CELF2: variants seen among roughly 807,000 people sequenced by gnomAD.
CELF2 encodes CUGBP Elav-like family member 2, also known as CUG triplet repeat RNA-binding protein 2.
CELF2 carries 8 observed loss-of-function variants against 62.6 expected under a neutral mutation model. The observed-to-expected ratio is 0.13, with a 90% CI of 0.07 to 0.23. The LOEUF is 0.23. Ranked by LOEUF, CELF2 falls within the 10% of genes least tolerant of loss-of-function variation. The pLI is 1.00. For missense variants in CELF2, 333 were observed against 671.0 expected (o/e 0.50, Z 5.56); for synonymous variants, 258 against 250.0 (o/e 1.03, Z -0.30).
chr10:10,688,767 A>T, the CELF2 span, among the ~76,000 whole-genome samples: 633 of 152,234 alleles, frequency 4.2e-3, 5 homozygotes, highest in Non-Finnish European at 6.2e-3. Context: ...AAACACTTAG[A>T]GACAAGAGTG....
At chr10:10,520,244 G>A in the CELF2 span, among the ~76,000 whole-genome samples, 2 of 152,190 alleles carry the variant, frequency 1.3e-5, no homozygotes, top group Admixed American at 6.5e-5. Context: ...AGGACAAGAA[G>A]AGCTGCTATG....
chr10:11,325,304 GATT>G (rs2095663756), intron 11 of CELF2, among the ~76,000 whole-genome samples: 1 of 152,216 alleles, frequency 6.6e-6, no homozygotes, highest in Non-Finnish European at 1.5e-5. Context: ...TAATAAAGAT[GATT>G]ATTAGACTGT....
chr10:11,004,422 CGTGT>C (rs10676789), upstream of CELF2, among the ~76,000 whole-genome samples: 159 of 148,562 alleles, frequency 1.1e-3, no homozygotes, highest in East Asian at 5.3e-3. This position sits in a 1 kb window ranked among gnomAD's most constrained non-coding sequence, Gnocchi z 5.0. Context: ...TGTGCGCGCG[CGTGT>C]GTGTGTGTGT....
At chr10:10,781,731 C>T in the CELF2 span, among the ~76,000 whole-genome samples, 9 of 152,160 alleles carry the variant, frequency 5.9e-5, no homozygotes, top group African/African-American at 2.2e-4. Flanking sequence ...GCTCTACCAT[C>T]TAGGTTTGTG....
the CELF2 span, among the ~76,000 whole-genome samples, chr10:10,718,897 A>C: frequency 2.0e-5 from 3 of 152,046 alleles, no homozygotes; most frequent in Non-Finnish European, 4.4e-5. Context: ...ATAAATAATT[A>C]TTCAAATATT....
chr10:10,574,872 GTTTTTTT>G, the CELF2 span, among the ~76,000 whole-genome samples: 7 of 106,014 alleles, frequency 6.6e-5, no homozygotes, highest in East Asian at 2.5e-4. Flanking sequence ...ACCATGCCTG[GTTTTTTT>G]TTTTTTTTTT....
At chr10:10,488,982 G>T in the CELF2 span, among the ~76,000 whole-genome samples, 1 of 152,064 alleles carries the variant, frequency 6.6e-6, no homozygotes, top group South Asian at 2.1e-4. Context: ...AATGGTGATA[G>T]TGGCCAGCTT....
At position 11,218,021 on chromosome 10, in the gene CELF2, A is replaced by G. The variant is rs534245483; in HGVS notation, c.354+514A>G. On this transcript the variant is annotated intron_variant, in intron 3 of 12. Coordinates refer to ENST00000633077, the MANE Select transcript of CELF2 (RefSeq NM_001326342.2). ...ATACCCAATTTGTGGCTTCATGTTG[A>G]TATAGGACAGAAAATACAAAGCTTA... Among the ~76,000 whole-genome samples, 119 of 152,326 alleles carry G rather than the reference A, an allele frequency of 7.8e-4. 2 individuals carry two copies. The South Asian group carries it at 0.023, about 30-fold the overall frequency.
chr10:10,670,191 C>T, the CELF2 span, among the ~76,000 whole-genome samples: 5 of 152,024 alleles, frequency 3.3e-5, no homozygotes, highest in South Asian at 8.3e-4. Context: ...CGTGAGCCAT[C>T]GCTCCTGGCC....
intron 8 of CELF2, among the ~76,000 whole-genome samples, chr10:11,286,286 G>T (rs1251764450): frequency 6.6e-6 from 1 of 152,246 alleles, no homozygotes; most frequent in Non-Finnish European, 1.5e-5. Flanking sequence ...AGCCTAGAAT[G>T]GTGGCTCTGC....
intron 2 of CELF2, among the ~76,000 whole-genome samples, chr10:10,941,513 G>A (rs2047047234): frequency 1.3e-5 from 2 of 152,132 alleles, no homozygotes; most frequent in Admixed American, 6.6e-5. Flanking sequence ...GATATTTTGG[G>A]AGTTCACTAA....
Position 11,331,294 on chromosome 10 carries a change from AAAG to A in CELF2, c.*2244_*2246del, listed in dbSNP as rs940981602. The A allele has an allele frequency of 9.9e-5, 15 of 152,246 alleles. No homozygotes were observed. Among genetic ancestry groups the A allele is most frequent in the African/African-American group, 2.4e-4 (10 of 41,454 alleles). 9.4% of individuals were successfully genotyped at this position (152,246 alleles called of 1,614,324 possible). A position where few individuals can be genotyped will look rare whatever the true frequency, so the allele number is the denominator to read the frequency against. On this transcript the variant is annotated 3_prime_UTR_variant, in exon 13 of 13. Transcript: ENST00000633077. ...GGTTTACTTAATACAAAAAAAAAAA[AAAG>A]AATTTCAAAAAAAAAAGTTGTTTGC...
rs1439054582 is a variant in CELF2, at chr10:11,242,720, G to GC, written c.355-6432dup. 5.9e-5 allele frequency among the ~76,000 whole-genome samples: 9 copies of GC among 152,212 alleles called. No homozygotes were observed. Among genetic ancestry groups the GC allele is most frequent in the Non-Finnish European group, 1.2e-4 (8 of 68,038 alleles). On this transcript the variant is annotated intron_variant, in intron 3 of 12. Transcript: ENST00000633077. This position sits in a 1 kb window ranked among gnomAD's most constrained non-coding sequence, Gnocchi z 4.8. ...AGGTCAGCTTACTCAGGAGTGAGGG[G>GC]CATCAGGTCCAGTCACAGGCCAGCC...
the CELF2 span, among the ~76,000 whole-genome samples, chr10:10,662,706 A>C: frequency 6.6e-6 from 1 of 151,564 alleles, no homozygotes; most frequent in African/African-American, 2.4e-5. Flanking sequence ...CAAAAAAAAA[A>C]GTGCAAACAA....
chr10:10,637,079 C>A, the CELF2 span, among the ~76,000 whole-genome samples: 3 of 152,102 alleles, frequency 2.0e-5, no homozygotes, highest in African/African-American at 7.2e-5. Flanking sequence ...GGTTACACAG[C>A]TCTTAGGTAA....
chr10:10,667,671 A>G, the CELF2 span, among the ~76,000 whole-genome samples: 3 of 152,152 alleles, frequency 2.0e-5, no homozygotes, highest in East Asian at 1.9e-4. Context: ...TGCAAATGAG[A>G]TTTTGCAAAG....
chr10:10,969,249 T>A (rs1486611055), intron 2 of CELF2, among the ~76,000 whole-genome samples: 5 of 152,154 alleles, frequency 3.3e-5, no homozygotes, highest in Admixed American at 3.3e-4. Flanking sequence ...AGAGCAAGAC[T>A]TTAAAAAGTC....
At chr10:10,735,290 T>C in the CELF2 span, among the ~76,000 whole-genome samples, 1 of 152,214 alleles carries the variant, frequency 6.6e-6, no homozygotes, top group Admixed American at 6.5e-5. Context: ...ACAGTCAACT[T>C]TTAAGAAGTT....
chr10:10,855,214 G>A (rs1408267827), intron 1 of CELF2, among the ~76,000 whole-genome samples: 1 of 152,128 alleles, frequency 6.6e-6, no homozygotes, highest in Non-Finnish European at 1.5e-5. Context: ...ATTTCAAGAT[G>A]TCCATCTGGC....
Sources: gnomAD v4.1 joint callset for allele counts (sites outside exome capture counted in the v4.1 genomes callset) on GRCh38, gnomAD v4.1.1 for gene constraint, Gnocchi (gnomAD v3.1) non-coding constraint, MANE v1.5 for transcripts, NCBI Gene and HGNC (gene_info 2026-07-23, HGNC 2026-07-21) for gene names.